L3MBTL4: variants seen among roughly 807,000 people sequenced by gnomAD.
L3MBTL4 encodes the protein L3MBTL histone methyl-lysine binding protein 4, also known as lethal(3)malignant brain tumor-like protein 4.
In L3MBTL4, 70 loss-of-function variants were observed where a neutral mutation model predicts 84.5. The observed-to-expected ratio is 0.83, with a 90% confidence interval of 0.68 to 1.01. The LOEUF (loss-of-function observed/expected upper bound fraction) is 1.01. L3MBTL4 is among the 50% of genes least tolerant of loss of function. The pLI is 0.00. For synonymous variants in L3MBTL4, 274 were observed against 259.8 expected (o/e 1.05, Z -0.52); for missense variants, 715 against 754.8 (o/e 0.95, Z 0.62).
At chr18:6,076,241 A>T (rs1461277432) in intron 16 of L3MBTL4, among the ~76,000 whole-genome samples, 1 of 152,242 alleles carries the variant, frequency 6.6e-6, no homozygotes, top group Admixed American at 6.5e-5. Context: ...CTAAAAATGG[A>T]TAAATTGTGG....
chr18:6,095,593 G>A (rs1022353868), intron 14 of L3MBTL4, among the ~76,000 whole-genome samples: 20 of 152,048 alleles, frequency 1.3e-4, no homozygotes, highest in South Asian at 2.1e-4. Flanking sequence ...CTCATGATCC[G>A]CCCACCTCGG....
At chr18:6,213,540 G>T (rs2145801959) in intron 11 of L3MBTL4, among the ~76,000 whole-genome samples, 1 of 152,264 alleles carries the variant, frequency 6.6e-6, no homozygotes, top group Non-Finnish European at 1.5e-5. Context: ...AGCCTCCCAA[G>T]TAGCTGGGAT....
intron 1 of L3MBTL4, among the ~76,000 whole-genome samples, chr18:6,332,557 T>C (rs1415160265): frequency 6.6e-6 from 1 of 152,208 alleles, no homozygotes; most frequent in Admixed American, 6.5e-5. Flanking sequence ...AGAGATTCAA[T>C]TCTAGGATTC....
chr18:6,002,009 A>G (rs978035567), intron 16 of L3MBTL4, among the ~76,000 whole-genome samples: 4 of 152,200 alleles, frequency 2.6e-5, no homozygotes, highest in African/African-American at 9.6e-5. Context: ...TCGAACTTTC[A>G]AAAGCCAAAT....
At chr18:6,207,561 G>A (rs1240413779) in intron 12 of L3MBTL4, among the ~76,000 whole-genome samples, 3 of 152,116 alleles carry the variant, frequency 2.0e-5, no homozygotes, top group African/African-American at 7.2e-5. Context: ...ACCTGGTTGA[G>A]CACTCTCTCT....
At chr18:6,110,056 A>G (rs1179493435) in intron 14 of L3MBTL4, among the ~76,000 whole-genome samples, 4 of 151,926 alleles carry the variant, frequency 2.6e-5, no homozygotes, top group African/African-American at 9.7e-5. Flanking sequence ...GTTATTTACT[A>G]ATGGCCCACA....
intron 16 of L3MBTL4, among the ~76,000 whole-genome samples, chr18:6,079,586 T>C (rs1163633558): frequency 6.6e-6 from 1 of 152,238 alleles, no homozygotes; most frequent in Non-Finnish European, 1.5e-5. Flanking sequence ...GTAAGGATGA[T>C]CCTCATTACT....
At chr18:6,180,156 T>C (rs1345123776) in intron 12 of L3MBTL4, among the ~76,000 whole-genome samples, 1 of 152,018 alleles carries the variant, frequency 6.6e-6, no homozygotes, top group Admixed American at 6.6e-5. Context: ...CCCATACTTT[T>C]CCACAGTAAA....
chr18:6,219,121 G>A (rs949971841), intron 10 of L3MBTL4, among the ~76,000 whole-genome samples: 1 of 152,068 alleles, frequency 6.6e-6, no homozygotes, highest in African/African-American at 2.4e-5. Flanking sequence ...TTTTTTAGGT[G>A]AGAACTTGAG....
intron 4 of L3MBTL4, among the ~76,000 whole-genome samples, chr18:6,301,267 A>G (rs1474623008): frequency 6.6e-6 from 1 of 152,226 alleles, no homozygotes; most frequent in Non-Finnish European, 1.5e-5. Context: ...TCCGTAGATA[A>G]TAACACAAAT....
chr18:6,360,442 G>C (rs893143874), intron 1 of L3MBTL4, among the ~76,000 whole-genome samples: 2 of 152,164 alleles, frequency 1.3e-5, no homozygotes, highest in African/African-American at 4.8e-5. Flanking sequence ...CACTATTCTA[G>C]AGGTTTTCAC....
intron 14 of L3MBTL4, among the ~76,000 whole-genome samples, chr18:6,114,815 G>A (rs551311311): frequency 6.6e-6 from 1 of 152,352 alleles, no homozygotes; most frequent in East Asian, 1.9e-4. Flanking sequence ...AGGACCCAGT[G>A]ATGGTCACTA....
At chr18:6,322,746 G>A (rs1460820974) in intron 1 of L3MBTL4, among the ~76,000 whole-genome samples, 1 of 152,156 alleles carries the variant, frequency 6.6e-6, no homozygotes, top group African/African-American at 2.4e-5. Context: ...GGCTGGGAAG[G>A]GTAGTGGAGG....
chr18:6,144,307 TGTCTGAAATC>T (rs2042557346), intron 13 of L3MBTL4, among the ~76,000 whole-genome samples: 1 of 152,034 alleles, frequency 6.6e-6, no homozygotes, highest in Non-Finnish European at 1.5e-5. Context: ...GAGCTCAGCT[TGTCTGAAATC>T]CCTCTCTGAT....
At chr18:6,043,607 G>A (rs1018139507) in intron 16 of L3MBTL4, among the ~76,000 whole-genome samples, 4 of 152,092 alleles carry the variant, frequency 2.6e-5, no homozygotes, top group African/African-American at 9.7e-5. Flanking sequence ...ACTGCCACAG[G>A]TGCAGGTTGA....
intron 13 of L3MBTL4, among the ~76,000 whole-genome samples, chr18:6,163,602 C>T (rs1481608118): frequency 6.6e-6 from 1 of 152,128 alleles, no homozygotes; most frequent in Non-Finnish European, 1.5e-5. Flanking sequence ...ATTCTAGGGA[C>T]TGTAATTACC....
chr18:6,234,869 T>C (rs1007579176), intron 10 of L3MBTL4, among the ~76,000 whole-genome samples: 4 of 152,190 alleles, frequency 2.6e-5, no homozygotes, highest in Non-Finnish European at 5.9e-5. Flanking sequence ...CATGCACATG[T>C]ATGTTTATTA....
At chr18:6,110,673 C>T (rs1409052518) in intron 14 of L3MBTL4, among the ~76,000 whole-genome samples, 1 of 151,466 alleles carries the variant, frequency 6.6e-6, no homozygotes, top group Admixed American at 6.6e-5. Context: ...GGTGGTTGTA[C>T]ATGTGTATTG....
intron 16 of L3MBTL4, among the ~76,000 whole-genome samples, chr18:5,972,668 C>T (rs1598324636): frequency 6.6e-6 from 1 of 151,984 alleles, no homozygotes; most frequent in African/African-American, 2.4e-5. Context: ...TCTTCTACAG[C>T]TGATGATTTT....
Sources: gnomAD v4.1 joint callset for allele counts (sites outside exome capture counted in the v4.1 genomes callset) on GRCh38, gnomAD v4.1.1 for gene constraint, MANE v1.5 for transcripts, NCBI Gene and HGNC (gene_info 2026-07-23, HGNC 2026-07-21) for gene names.